APH1B: variants seen among roughly 807,000 people sequenced by gnomAD.
APH1B encodes the protein aph-1B gamma-secretase subunit, also known as gamma-secretase subunit APH-1B.
APH1B carries 27 observed loss-of-function variants against 28.2 expected under a neutral mutation model. The ratio of observed to expected loss-of-function variants is 0.96; its 90% CI spans 0.70 to 1.32. The LOEUF is 1.32. Ranked by LOEUF, APH1B falls within the 40% of genes most tolerant of loss-of-function variation. The pLI is 0.00. For synonymous variants in APH1B, 141 were observed against 124.6 expected, an observed-to-expected ratio of 1.13 and a Z score of -0.88; for missense variants, 305 against 313.6, an observed-to-expected ratio of 0.97 and a Z score of 0.21.
intron 4 of APH1B, among the ~76,000 whole-genome samples, chr15:63,300,666 CTG>C: frequency 6.6e-6 from 1 of 152,306 alleles, no homozygotes; most frequent in Middle Eastern, 3.4e-3. Flanking sequence ...ACTTTGGAAA[CTG>C]TTTCTCTTCT....
At position 63,304,395 on chromosome 15, in the gene APH1B, C is replaced by T. The variant is rs564863970; in HGVS notation, c.607-1219C>T. On this transcript the variant is annotated intron_variant, in intron 5 of 5. Coordinates refer to ENST00000261879, the MANE Select transcript of APH1B (RefSeq NM_031301.4). The surrounding 1 kb of genome is among the most constrained non-coding windows in gnomAD (Gnocchi z 5.1). ...AGTCTTCAGATGTTTATTGGCCATT[C>T]GGATAATTCTTTTTGAAGTGCCTGT... Among the ~76,000 whole-genome samples the T allele has an allele frequency of 2.6e-5, 4 of 152,252 alleles. No homozygotes were observed. The highest frequency in any genetic ancestry group is 4.1e-4 in the South Asian group (2 of 4,826).
chr15:63,284,610 T>G (rs2038427035), intron 2 of APH1B, among the ~76,000 whole-genome samples: 1 of 152,248 alleles, frequency 6.6e-6, no homozygotes. Context: ...GCTACAACAT[T>G]ATGACGTCAC....
At chr15:63,277,785 G>A in intron 1 of APH1B, 49 bp downstream of exon 1, 6 of 1,559,070 alleles carry the variant, frequency 3.8e-6, no homozygotes, top group Non-Finnish European at 5.3e-6. Flanking sequence ...CCCCTCCCCC[G>A]CTGGGGTTAC....
intron 4 of APH1B, 67 bp downstream of exon 4, chr15:63,287,613 T>C: frequency 6.5e-7 from 1 of 1,546,036 alleles, no homozygotes; most frequent in Non-Finnish European, 8.8e-7. Context: ...TGGGGTTCAC[T>C]GGCTTAGGAA....
intron 4 of APH1B, among the ~76,000 whole-genome samples, chr15:63,297,694 T>G (rs2038582003): frequency 6.6e-6 from 1 of 152,196 alleles, no homozygotes; most frequent in South Asian, 2.1e-4. Context: ...TAGCTGGAAT[T>G]TGTTCCTTTT....
rs2038677274 is a variant in APH1B at position 63,305,561 on chromosome 15, A to G, written c.607-53A>G. 8 of 1,583,976 alleles carry G rather than the reference A, an allele frequency of 5.1e-6. No homozygotes were observed. The South Asian group carries it at 6.8e-5, about 13-fold the overall frequency. On this transcript the variant is annotated intron_variant, in intron 5 of 5. Transcript: ENST00000261879. Reference sequence around the variant, plus strand: ...TTCCCTTTATCTTTGGTTATTCCACATGTTTAATAAGCTTGCTGTTATTAC... The same window carrying G: ...TTCCCTTTATCTTTGGTTATTCCACGTGTTTAATAAGCTTGCTGTTATTAC...
chr15:63,285,112 A>ATG (rs1460221267), intron 2 of APH1B, among the ~76,000 whole-genome samples: 1 of 152,230 alleles, frequency 6.6e-6, no homozygotes, highest in Non-Finnish European at 1.5e-5. Flanking sequence ...ATGCTTCCAG[A>ATG]TGGAGAGCAC....
At position 63,305,859 on chromosome 15, in the gene APH1B, C is replaced by T; in HGVS notation, c.*78C>T. 6.6e-7 allele frequency: 1 copy of T among 1,511,034 alleles called. No homozygotes were observed. Among genetic ancestry groups the T allele is most frequent in the Non-Finnish European group, 8.9e-7 (1 of 1,123,678 alleles). 93.6% of individuals were successfully genotyped at this position (1,511,034 alleles called of 1,614,324 possible). A position where few individuals can be genotyped will look rare whatever the true frequency, so the allele number is the denominator to read the frequency against. On this transcript the variant is annotated 3_prime_UTR_variant, in exon 6 of 6. Transcript: ENST00000261879. ...CAACTGTGCCTTTTTCTGAAAATCC[C>T]TTTTTCTGGTGGAATTGAGAAAGAA...
chr15:63,284,087 C>A (rs1270165395), intron 2 of APH1B, among the ~76,000 whole-genome samples: 1 of 151,984 alleles, frequency 6.6e-6, no homozygotes, highest in Non-Finnish European at 1.5e-5. Flanking sequence ...GAATATTTTA[C>A]TTTTGTAGTA....
Position 63,286,644 on chromosome 15 carries a change from A to G in APH1B, c.355+16A>G, listed in dbSNP as rs1438019947. 1.9e-6 allele frequency: 3 copies of G among 1,589,950 alleles called. No individual in the cohort carries two copies. The highest frequency in any genetic ancestry group is 1.2e-5 in the South Asian group (1 of 86,328). ...CTGGCCTATGGTAAGTTAGAACCACATGGTTTCATTAAGGAAAAAAATCAT... is the reference window on the plus strand; with the variant it reads ...CTGGCCTATGGTAAGTTAGAACCACGTGGTTTCATTAAGGAAAAAAATCAT... On this transcript the variant is annotated intron_variant, in intron 3 of 5. Transcript: ENST00000261879.
At position 63,301,903 on chromosome 15, in the gene APH1B, G is replaced by A. The variant is rs576291456; in HGVS notation, c.479-442G>A. Among the ~76,000 whole-genome samples the A allele has an allele frequency of 4.6e-5, 7 of 152,314 alleles. No individual in the cohort carries two copies. In the South Asian group the frequency reaches 6.2e-4, roughly 14 times the overall value. ...TGGGATTACAGGCATGAGCCAGAGC[G>A]CCTGGCCATGATTTTAATATTTTTC... On this transcript the variant is annotated intron_variant, in intron 4 of 5. Coordinates refer to ENST00000261879, the MANE Select transcript of APH1B (RefSeq NM_031301.4).
chr15:63,285,894 G>A (rs2152594439), intron 2 of APH1B, among the ~76,000 whole-genome samples: 1 of 152,312 alleles, frequency 6.6e-6, no homozygotes, highest in East Asian at 1.9e-4. Flanking sequence ...CCTTATTGGT[G>A]ATATAAAACA....
chr15:63,303,855 AACACACACACACACACACAACAC>A (rs1237089731), intron 5 of APH1B, among the ~76,000 whole-genome samples: 1 of 125,338 alleles, frequency 8.0e-6, no homozygotes, highest in Non-Finnish European at 1.6e-5. Context: ...TCTCTTGGTG[AACACACACACACACACACAACAC>A]ACACACACAC....
chr15:63,302,881 C>G lies in APH1B; in HGVS notation c.606+409C>G, dbSNP rs976648567. ...TAATATAGTTTTTATCTCTCTCTCT[C>G]TGTTTCTAATTAGAGTATGATAATC... On this transcript the variant is annotated intron_variant, in intron 5 of 5. Transcript: ENST00000261879. Among the ~76,000 whole-genome samples, 10 of 152,146 alleles carry G rather than the reference C, an allele frequency of 6.6e-5. No individual in the cohort carries two copies. In the East Asian group the frequency reaches 7.7e-4, roughly 12 times the overall value.
At chr15:63,284,834 T>C (rs1415796273) in intron 2 of APH1B, among the ~76,000 whole-genome samples, 1 of 152,228 alleles carries the variant, frequency 6.6e-6, no homozygotes, top group African/African-American at 2.4e-5. Flanking sequence ...TTTCCCTTCT[T>C]TGTGTCCACA....
intron 2 of APH1B, among the ~76,000 whole-genome samples, chr15:63,285,350 T>A (rs1454410677): frequency 6.6e-6 from 1 of 152,262 alleles, no homozygotes; most frequent in Non-Finnish European, 1.5e-5. Context: ...TTCTTAGAGT[T>A]AACCTGTCTT....
At chr15:63,301,091 A>G (rs890304505) in intron 4 of APH1B, among the ~76,000 whole-genome samples, 14 of 152,282 alleles carry the variant, frequency 9.2e-5, no homozygotes, top group Middle Eastern at 3.4e-3. Context: ...CTGGGCTCCC[A>G]CCCCATTGTT....
chr15:63,291,154 A>G (rs900302679), intron 4 of APH1B, among the ~76,000 whole-genome samples: 2 of 152,222 alleles, frequency 1.3e-5, no homozygotes, highest in African/African-American at 2.4e-5. Flanking sequence ...AAGTGCTTAT[A>G]AGCTCTAAAC....
chr15:63,282,147 G>A (rs2038395537), intron 2 of APH1B, among the ~76,000 whole-genome samples: 1 of 152,150 alleles, frequency 6.6e-6, no homozygotes, highest in South Asian at 2.1e-4. Flanking sequence ...ATTTATGACT[G>A]ACATTTATAT....
Sources: gnomAD v4.1 joint callset for allele counts (sites outside exome capture counted in the v4.1 genomes callset) on GRCh38, gnomAD v4.1.1 for gene constraint, Gnocchi (gnomAD v3.1) non-coding constraint, MANE v1.5 for transcripts, NCBI Gene and HGNC (gene_info 2026-07-23, HGNC 2026-07-21) for gene names.